NDUFA11: variants seen among roughly 807,000 people sequenced by gnomAD.
The protein encoded by NDUFA11 is NADH:ubiquinone oxidoreductase subunit A11, also known as NADH dehydrogenase [ubiquinone] 1 alpha subcomplex subunit 11.
NDUFA11 carries 14 observed loss-of-function variants against 11.3 expected under a neutral mutation model. The ratio of observed to expected loss-of-function variants is 1.24; its 90% CI spans 0.82 to 1.94. The LOEUF is 1.94. Ranked by LOEUF, NDUFA11 falls within the 30% of genes most tolerant of loss-of-function variation. The probability of loss-of-function intolerance (pLI) is 0.00; values close to 1 mark genes in which losing one functional copy is unlikely to be tolerated. For synonymous variants in NDUFA11, 87 were observed against 85.6 expected, an observed-to-expected ratio of 1.02 and a Z score of -0.09; for missense variants, 204 against 200.3, an observed-to-expected ratio of 1.02 and a Z score of -0.11.
At chr19:5,893,379 C>T (rs2057589400), downstream of NDUFA11, 5 of 624,282 alleles carry the variant, frequency 8.0e-6, no homozygotes, top group South Asian at 2.0e-5. The surrounding 1 kb of genome is among the most constrained non-coding windows in gnomAD (Gnocchi z 4.1). Flanking sequence ...ATGAGAGAGT[C>T]GCATAAGCCA....
At chr19:5,893,259 A>G (rs1294483531), downstream of NDUFA11, 1 of 1,402,806 alleles carries the variant, frequency 7.1e-7, no homozygotes, top group Non-Finnish European at 9.7e-7. The surrounding 1 kb of genome is among the most constrained non-coding windows in gnomAD (Gnocchi z 4.1). Context: ...GGAGTTTGAG[A>G]CCAGCCTGCA....
In NDUFA11 at chr19:5,894,854, G is replaced by T; in HGVS notation, c.314C>A (p.Thr105Lys). The T allele has an allele frequency of 6.2e-7, 1 of 1,601,302 alleles. No homozygotes were observed. The highest frequency in any genetic ancestry group is 8.5e-7 in the Non-Finnish European group (1 of 1,173,546). The change falls in exon 4 of 4, where the codon ACG (threonine) becomes AAG (lysine). Residue 105 changes from threonine to lysine, a missense_variant and splice_region_variant. By Grantham distance (78) the Thr-to-Lys change is moderately conservative (BLOSUM62 -1). Transcript: ENST00000308961. ...GGCGGCGCCAATCCCGTAGTTGTGC[G>T]CTGTGGGAGTGGGGAGGTGATGTCA... The part of the protein sequence containing the change: ...CAGGLTLGAR[T>K]HNYGIGAAAC...
chr19:5,892,952 A>C, downstream of NDUFA11: 1 of 1,468,558 alleles, frequency 6.8e-7, no homozygotes, highest in Non-Finnish European at 9.0e-7. Context: ...GTGTTTAACA[A>C]TGACTCTATT....
downstream of NDUFA11, chr19:5,893,117 C>T (rs1479971365): frequency 2.0e-6 from 3 of 1,536,060 alleles, no homozygotes; most frequent in Admixed American, 5.9e-5. The surrounding 1 kb of genome is among the most constrained non-coding windows in gnomAD (Gnocchi z 4.1). Context: ...CACGCGTGGA[C>T]ATCTGTGCTC....
Position 5,896,361 on chromosome 19 carries a change from G to A in NDUFA11, c.313+92C>T, listed in dbSNP as rs1255995792. ...AAGAAGGCTGCTTTACTTCTTGTCC[G>A]GGATGGAACAGAGAGGGTGGAGGAT... On this transcript the variant is annotated intron_variant, in intron 3 of 3. Coordinates refer to ENST00000308961, the MANE Select transcript of NDUFA11 (RefSeq NM_175614.5). This position sits in a 1 kb window ranked among gnomAD's most constrained non-coding sequence, Gnocchi z 5.8. The A allele has an allele frequency of 1.6e-5, 22 of 1,372,454 alleles. No homozygotes were observed. The highest frequency in any genetic ancestry group is 1.1e-4 in the South Asian group (8 of 74,688). 85.0% of individuals were successfully genotyped at this position (1,372,454 alleles called of 1,614,324 possible). A position where few individuals can be genotyped will look rare whatever the true frequency, so the allele number is the denominator to read the frequency against.
At chr19:5,901,873 G>A (rs1247303309) in intron 1 of NDUFA11, among the ~76,000 whole-genome samples, 6 of 151,712 alleles carry the variant, frequency 4.0e-5, no homozygotes, top group African/African-American at 1.2e-4. Context: ...GGTTTTCACC[G>A]TGTTAGCCAG....
intron 3 of NDUFA11, chr19:5,895,928 C>G (rs1412274550): frequency 5.3e-6 from 1 of 187,506 alleles, no homozygotes; most frequent in African/African-American, 2.3e-5. Flanking sequence ...GGCAGCTCCC[C>G]TGCAGGGCTC....
chr19:5,903,502 C>T (rs2144964189), intron 1 of NDUFA11, 110 bp downstream of exon 1: 1 of 1,048,428 alleles, frequency 9.5e-7, no homozygotes, highest in East Asian at 2.6e-5. Context: ...ATGACAACCA[C>T]GTGCGTACCC....
In NDUFA11 at chr19:5,896,645, C is replaced by A; in HGVS notation, c.191-70G>T. On this transcript the variant is annotated intron_variant, in intron 2 of 3. Coordinates refer to ENST00000308961, the MANE Select transcript of NDUFA11 (RefSeq NM_175614.5). The surrounding 1 kb of genome is among the most constrained non-coding windows in gnomAD (Gnocchi z 5.8). ...CAGGAGCCTCTTGGGCGCTCACTGC[C>A]AGTGTCTGGATGGAGAGAGATGCCA... The A allele has an allele frequency of 1.9e-6, 3 of 1,548,574 alleles. No individual in the cohort carries two copies. The highest frequency in any genetic ancestry group is 2.6e-6 in the Non-Finnish European group (3 of 1,145,878).
At chr19:5,893,558 C>G (rs778225624), downstream of NDUFA11, among the ~76,000 whole-genome samples, 8 of 152,056 alleles carry the variant, frequency 5.3e-5, no homozygotes, top group Non-Finnish European at 1.2e-4. The surrounding 1 kb of genome is among the most constrained non-coding windows in gnomAD (Gnocchi z 4.1). Context: ...ACCTCAACCT[C>G]CAAAAGTGCT....
chr19:5,895,128 G>A (rs1365332449), intron 3 of NDUFA11: 9 of 478,996 alleles, frequency 1.9e-5, no homozygotes, highest in African/African-American at 3.9e-5. Flanking sequence ...CGAGGACACC[G>A]TGCTGCCCCC....
downstream of NDUFA11, chr19:5,893,121 T>G: frequency 2.0e-6 from 3 of 1,536,076 alleles, no homozygotes; most frequent in South Asian, 2.4e-5. The surrounding 1 kb of genome is among the most constrained non-coding windows in gnomAD (Gnocchi z 4.1). Flanking sequence ...CGTGGACATC[T>G]GTGCTCTCTC....
chr19:5,893,409 G>T (rs1221691367), downstream of NDUFA11: 3 of 588,612 alleles, frequency 5.1e-6, no homozygotes, highest in South Asian at 2.1e-5. The surrounding 1 kb of genome is among the most constrained non-coding windows in gnomAD (Gnocchi z 4.1). Context: ...AGGTTCCAGT[G>T]AGCCATGATC....
chr19:5,897,283 C>T (rs2057616413), intron 1 of NDUFA11, among the ~76,000 whole-genome samples: 1 of 152,336 alleles, frequency 6.6e-6, no homozygotes, highest in East Asian at 1.9e-4. Flanking sequence ...GGGCGCCCAT[C>T]AGCCATGCTG....
chr19:5,893,221 G>A (rs912622411), downstream of NDUFA11: 4 of 1,529,842 alleles, frequency 2.6e-6, no homozygotes, highest in Middle Eastern at 6.7e-4. The surrounding 1 kb of genome is among the most constrained non-coding windows in gnomAD (Gnocchi z 4.1). Flanking sequence ...ACTCTGGGAG[G>A]CTGAGGTGTG....
At chr19:5,894,356 C>T (rs758713011), downstream of NDUFA11, among the ~76,000 whole-genome samples, 3 of 152,124 alleles carry the variant, frequency 2.0e-5, no homozygotes, top group Non-Finnish European at 2.9e-5. Flanking sequence ...GAGCCCACAG[C>T]GCTGAGGGAA....
At chr19:5,900,495 G>A (rs2057638013) in intron 1 of NDUFA11, among the ~76,000 whole-genome samples, 1 of 152,208 alleles carries the variant, frequency 6.6e-6, no homozygotes, top group South Asian at 2.1e-4. Flanking sequence ...AGCCAGCCAG[G>A]AAACAATTTA....
chr19:5,892,649 G>T, downstream of NDUFA11: 1 of 349,662 alleles, frequency 2.9e-6, no homozygotes, highest in Non-Finnish European at 5.2e-6. Flanking sequence ...TGTGGTCACC[G>T]CGGGGCTGGG....
At chr19:5,903,440 C>T (rs1460385632) in intron 1 of NDUFA11, among the ~76,000 whole-genome samples, 172 bp downstream of exon 1, 1 of 151,892 alleles carries the variant, frequency 6.6e-6, no homozygotes, top group Non-Finnish European at 1.5e-5. Flanking sequence ...GGACCCCCTA[C>T]CAACATCCAT....
Sources: gnomAD v4.1 joint callset for allele counts (sites outside exome capture counted in the v4.1 genomes callset) on GRCh38, gnomAD v4.1.1 for gene constraint, Gnocchi (gnomAD v3.1) non-coding constraint, MANE v1.5 for transcripts, NCBI Gene and HGNC (gene_info 2026-07-23, HGNC 2026-07-21) for gene names.